CBX3: variants seen among roughly 807,000 people sequenced by gnomAD.
CBX3 encodes chromobox protein homolog 3.
A neutral mutation model predicts 22.6 loss-of-function variants in CBX3; 5 were observed. The observed-to-expected ratio is 0.22, with a 90% CI of 0.12 to 0.47. The LOEUF (loss-of-function observed/expected upper bound fraction) is 0.47, where lower values mean the gene tolerates loss of function less well. Ranked by LOEUF, CBX3 falls within the 20% of genes least tolerant of loss-of-function variation. The pLI, the probability that CBX3 is intolerant of heterozygous loss-of-function variation, is 0.99. For missense variants in CBX3, 83 were observed against 208.1 expected (o/e 0.40, Z 3.70); for synonymous variants, 50 against 66.6 (o/e 0.75, Z 1.21).
intron 3 of CBX3, among the ~76,000 whole-genome samples, chr7:26,207,908 G>A (rs976326356): frequency 6.6e-5 from 10 of 151,710 alleles, no homozygotes; most frequent in Non-Finnish European, 1.5e-4. Context: ...GGAGTCTCAG[G>A]GTAGCAAATT....
At chr7:26,205,149 T>C (rs746837377) in intron 2 of CBX3, among the ~76,000 whole-genome samples, 1 of 152,206 alleles carries the variant, frequency 6.6e-6, no homozygotes, top group Non-Finnish European at 1.5e-5. Flanking sequence ...TAGGATCTTC[T>C]GATTAACCAT....
In CBX3 at chr7:26,213,105, G is replaced by GGGAC. The variant is rs1784847560; in HGVS notation, c.*897_*898insGGAC. 6.6e-6 allele frequency: 1 copy of GGGAC among 152,494 alleles called. No homozygotes were observed. The highest frequency in any genetic ancestry group is 2.4e-5 in the African/African-American group (1 of 41,480). 9.4% of individuals were successfully genotyped at this position (152,494 alleles called of 1,614,324 possible). On this transcript the variant is annotated 3_prime_UTR_variant, in exon 6 of 6. Transcript: ENST00000396386. Reference sequence around the variant, plus strand: ...GAAACCTAATCAGATGGTTAGAGGTGTTGGCAGTTTAGGACCTGCTGTCAT... The same window carrying GGGAC: ...GAAACCTAATCAGATGGTTAGAGGTGGGACTTGGCAGTTTAGGACCTGCTGTCAT...
At chr7:26,204,716 C>G (rs1326489746) in intron 2 of CBX3, among the ~76,000 whole-genome samples, 4 of 152,122 alleles carry the variant, frequency 2.6e-5, no homozygotes. Context: ...TTTCTGCTTG[C>G]TGCTTTACTT....
intron 2 of CBX3, among the ~76,000 whole-genome samples, chr7:26,203,409 A>G (rs1249760432): frequency 2.0e-5 from 3 of 152,218 alleles, no homozygotes; most frequent in Non-Finnish European, 4.4e-5. Flanking sequence ...ATTAAAGCCC[A>G]ATTTAAAGAA....
intron 4 of CBX3, among the ~76,000 whole-genome samples, chr7:26,211,135 A>G (rs1360593818): frequency 1.6e-4 from 25 of 152,156 alleles, no homozygotes; most frequent in Admixed American, 1.6e-3. Context: ...AAAGTTTACA[A>G]ATTTGTGTTG....
intron 3 of CBX3, among the ~76,000 whole-genome samples, chr7:26,207,096 C>T (rs11981735): frequency 6.6e-6 from 1 of 152,102 alleles, no homozygotes; most frequent in Non-Finnish European, 1.5e-5. Context: ...TTGTGCTTAT[C>T]TGCTTTGATT....
At chr7:26,203,095 C>T (rs1784589206) in intron 2 of CBX3, 73 bp downstream of exon 2, 4 of 921,996 alleles carry the variant, frequency 4.3e-6, no homozygotes, top group African/African-American at 1.8e-5. Context: ...AACTTTGCAT[C>T]TCTGTGGCTG....
intron 2 of CBX3, 91 bp downstream of exon 2, chr7:26,203,113 T>C: frequency 1.3e-6 from 1 of 743,442 alleles, no homozygotes; most frequent in Non-Finnish European, 2.2e-6. Flanking sequence ...CTGAGAAATT[T>C]ACATCCACAT....
chr7:26,204,977 CG>C (rs1784641687), intron 2 of CBX3, among the ~76,000 whole-genome samples: 1 of 151,956 alleles, frequency 6.6e-6, no homozygotes, highest in East Asian at 1.9e-4. Flanking sequence ...TTAGTAGAAA[CG>C]GGGTTTCTCC....
chr7:26,206,165 G>A (rs1008161696), intron 2 of CBX3: 41 of 489,302 alleles, frequency 8.4e-5, no homozygotes, highest in African/African-American at 6.6e-4. Flanking sequence ...GTGGTGGGTT[G>A]TAAGTTTGAA....
chr7:26,206,827 C>T (rs1015729191), intron 3 of CBX3, among the ~76,000 whole-genome samples: 1 of 152,146 alleles, frequency 6.6e-6, no homozygotes, highest in South Asian at 2.1e-4. Context: ...CATTATTTTC[C>T]TCCACACAGA....
At chr7:26,206,547 C>A (rs1291747088) in intron 3 of CBX3, 37 bp downstream of exon 3, 3 of 1,597,058 alleles carry the variant, frequency 1.9e-6, no homozygotes, top group Non-Finnish European at 2.6e-6. Flanking sequence ...ATATGTTTAA[C>A]TGCAGCTAAG....
chr7:26,204,330 T>C (rs564310108), intron 2 of CBX3, among the ~76,000 whole-genome samples: 1 of 152,208 alleles, frequency 6.6e-6, no homozygotes, highest in African/African-American at 2.4e-5. Flanking sequence ...AGTAGCTGTT[T>C]TGTTTTTCAT....
rs1459982731 is a variant in CBX3 at position 26,213,511 on chromosome 7, T to C, written c.*1303T>C. ...TGAGCTTACGAGTTTTAAACTTGAA[T>C]ATGTATTTCCACAGGAATGTTTCCA... On this transcript the variant is annotated 3_prime_UTR_variant, in exon 6 of 6. Coordinates refer to ENST00000396386, the MANE Select transcript of CBX3 (RefSeq NM_016587.4). Among the ~76,000 whole-genome samples the C allele has an allele frequency of 1.3e-5, 2 of 152,196 alleles. No homozygotes were observed. The highest frequency in any genetic ancestry group is 3.8e-4 in the East Asian group (2 of 5,200).
intron 4 of CBX3, among the ~76,000 whole-genome samples, chr7:26,209,313 A>T (rs1784754823): frequency 6.6e-6 from 1 of 152,198 alleles, no homozygotes; most frequent in Admixed American, 6.5e-5. Flanking sequence ...GGCGTGGTTT[A>T]GCCTACTTTG....
rs1364839162 is a variant in CBX3 at position 26,201,845 on chromosome 7, C to T, written c.-29+19C>T. 3 of 101,708 alleles carry T rather than the reference C, an allele frequency of 2.9e-5. No homozygotes were observed. The highest frequency in any genetic ancestry group is 3.0e-4 in the South Asian group (1 of 3,362). 6.3% of individuals were successfully genotyped at this position (101,708 alleles called of 1,614,324 possible). ...CGGTGAAGTCGGTGGCTTTCCTTCT[C>T]TCTAGCTCTCGCTCGCTGGTGGTGC... On this transcript the variant is annotated intron_variant, in intron 1 of 5. Transcript: ENST00000396386.
rs747695069 is a variant in CBX3 at position 26,212,218 on chromosome 7, T to A, written c.*10T>A. The A allele has an allele frequency of 7.2e-7, 1 of 1,396,378 alleles. No homozygotes were observed. The highest frequency in any genetic ancestry group is 2.6e-5 in the East Asian group (1 of 39,118). 86.5% of individuals were successfully genotyped at this position (1,396,378 alleles called of 1,614,324 possible). A position where few individuals can be genotyped will look rare whatever the true frequency, so the allele number is the denominator to read the frequency against. On this transcript the variant is annotated 3_prime_UTR_variant, in exon 6 of 6. Coordinates refer to ENST00000396386, the MANE Select transcript of CBX3 (RefSeq NM_016587.4). ...AGATGAAGCTCAATAATTGTTCACA[T>A]TGTTCTTTTATATATATTTATATAT...
intron 2 of CBX3, among the ~76,000 whole-genome samples, chr7:26,205,529 C>T (rs929970105): frequency 6.6e-6 from 1 of 152,068 alleles, no homozygotes; most frequent in African/African-American, 2.4e-5. Context: ...TATAGTTGAC[C>T]CTGCAGTTGG....
At position 26,203,038 on chromosome 7, in the gene CBX3, C is replaced by A; in HGVS notation, c.24+16C>A. 2 of 1,485,796 alleles carry A rather than the reference C, an allele frequency of 1.3e-6. No homozygotes were observed. The highest frequency in any genetic ancestry group is 1.4e-5 in the African/African-American group (1 of 69,094). 92.0% of individuals were successfully genotyped at this position (1,485,796 alleles called of 1,614,324 possible). Reference sequence around the variant, plus strand: ...AACTACATTGGTAAGTTAATGAAAACCTAAAATATGTAAGGATTTAACTCA... The same window carrying A: ...AACTACATTGGTAAGTTAATGAAAAACTAAAATATGTAAGGATTTAACTCA... On this transcript the variant is annotated intron_variant, in intron 2 of 5. Coordinates refer to ENST00000396386, the MANE Select transcript of CBX3 (RefSeq NM_016587.4).
Sources: gnomAD v4.1 joint callset for allele counts (sites outside exome capture counted in the v4.1 genomes callset) on GRCh38, gnomAD v4.1.1 for gene constraint, MANE v1.5 for transcripts, NCBI Gene and HGNC (gene_info 2026-07-23, HGNC 2026-07-21) for gene names.